Variants in EXOC6B observed in about 807,000 individuals in gnomAD.
The protein encoded by EXOC6B is SEC15 homolog B.
Under a neutral mutation model 113.5 loss-of-function variants are expected in EXOC6B, and 54 were observed. The ratio of observed to expected loss-of-function variants is 0.48; its 90% CI spans 0.38 to 0.60. EXOC6B has a LOEUF of 0.60. EXOC6B is among the 20% of genes least tolerant of loss of function. EXOC6B has a pLI of 0.00. For missense variants in EXOC6B, 797 were observed against 977.5 expected, an observed-to-expected ratio of 0.82 and a Z score of 2.46; for synonymous variants, 357 against 339.0, an observed-to-expected ratio of 1.05 and a Z score of -0.58.
At chr2:72,206,013 C>T (rs538144494) in intron 20 of EXOC6B, among the ~76,000 whole-genome samples, 6 of 152,138 alleles carry the variant, frequency 3.9e-5, no homozygotes, top group East Asian at 3.9e-4. Flanking sequence ...CTGTGAGAGA[C>T]GAGACTATTG....
chr2:72,278,207 A>G (rs1170181534), intron 20 of EXOC6B, among the ~76,000 whole-genome samples: 1 of 152,228 alleles, frequency 6.6e-6, no homozygotes, highest in Non-Finnish European at 1.5e-5. Flanking sequence ...GCATTCACCC[A>G]GAAATCCTGA....
intron 8 of EXOC6B, among the ~76,000 whole-genome samples, chr2:72,519,737 A>G (rs367718678): frequency 3.3e-5 from 5 of 152,280 alleles, no homozygotes; most frequent in African/African-American, 1.2e-4. Flanking sequence ...ATTAATAATG[A>G]TGACTTCTGT....
intron 20 of EXOC6B, among the ~76,000 whole-genome samples, chr2:72,270,972 A>G (rs912892253): frequency 6.4e-4 from 98 of 152,190 alleles, no homozygotes; most frequent in Admixed American, 3.9e-3. Context: ...ATAGTTTGGA[A>G]GGAAGAGATG....
chr2:72,744,090 C>A (rs1203055924), intron 1 of EXOC6B, among the ~76,000 whole-genome samples: 5 of 152,098 alleles, frequency 3.3e-5, no homozygotes. Context: ...TTAAGTACAG[C>A]AACATACTGT....
At chr2:72,329,755 G>T (rs1442777406) in intron 20 of EXOC6B, among the ~76,000 whole-genome samples, 1 of 152,048 alleles carries the variant, frequency 6.6e-6, no homozygotes, top group South Asian at 2.1e-4. Flanking sequence ...TTCCTAACGG[G>T]TGTTAACTAA....
chr2:72,458,813 G>C (rs1217361850), intron 18 of EXOC6B, among the ~76,000 whole-genome samples: 5 of 152,042 alleles, frequency 3.3e-5, no homozygotes, highest in Admixed American at 3.3e-4. Context: ...ATGACCTAGA[G>C]GTTAAAGTAA....
chr2:72,399,040 A>G (rs1342293753), intron 18 of EXOC6B, among the ~76,000 whole-genome samples: 1 of 151,872 alleles, frequency 6.6e-6, no homozygotes, highest in Non-Finnish European at 1.5e-5. Flanking sequence ...ATTATAAGCC[A>G]ATATCCCTGA....
At chr2:72,410,267 G>A (rs1031309127) in intron 18 of EXOC6B, among the ~76,000 whole-genome samples, 2 of 152,198 alleles carry the variant, frequency 1.3e-5, no homozygotes, top group Non-Finnish European at 2.9e-5. Flanking sequence ...GATCAGCAAT[G>A]TTCAATCTTA....
intron 2 of EXOC6B, among the ~76,000 whole-genome samples, chr2:72,736,098 T>C (rs1680937144): frequency 1.3e-5 from 2 of 151,158 alleles, no homozygotes; most frequent in Middle Eastern, 3.4e-3. Context: ...CTGAGGAGAA[T>C]CACTTGAACT....
At chr2:72,694,125 CT>C (rs1677695227) in intron 6 of EXOC6B, among the ~76,000 whole-genome samples, 2 of 152,076 alleles carry the variant, frequency 1.3e-5, no homozygotes, top group South Asian at 4.1e-4. Flanking sequence ...AAATTTTCTG[CT>C]TTGAAAAGAG....
chr2:72,587,269 A>G (rs1705650896), intron 6 of EXOC6B, among the ~76,000 whole-genome samples: 1 of 152,218 alleles, frequency 6.6e-6, no homozygotes, highest in Non-Finnish European at 1.5e-5. Flanking sequence ...TTGCAGCAGC[A>G]TGGATGCAGC....
chr2:72,607,490 T>TA (rs1239311682), intron 6 of EXOC6B, among the ~76,000 whole-genome samples: 1 of 152,198 alleles, frequency 6.6e-6, no homozygotes, highest in Non-Finnish European at 1.5e-5. Flanking sequence ...TCAATTTTTT[T>TA]AAATCATCTA....
At chr2:72,400,444 C>T (rs1241283184) in intron 18 of EXOC6B, among the ~76,000 whole-genome samples, 3 of 151,752 alleles carry the variant, frequency 2.0e-5, no homozygotes, top group Non-Finnish European at 4.4e-5. Context: ...AAAAATGGAA[C>T]TTAATTAAAC....
chr2:72,572,906 T>A (rs185919338), intron 7 of EXOC6B, among the ~76,000 whole-genome samples: 1 of 152,298 alleles, frequency 6.6e-6, no homozygotes, highest in Admixed American at 6.5e-5. Flanking sequence ...AGTGCCAAAT[T>A]TTTGTTTTAA....
At chr2:72,631,379 T>C (rs1672380904) in intron 6 of EXOC6B, among the ~76,000 whole-genome samples, 1 of 148,680 alleles carries the variant, frequency 6.7e-6, no homozygotes, top group Admixed American at 6.7e-5. Context: ...TACATATATA[T>C]ATGGAGTGAT....
chr2:72,816,052 G>T (rs903985801), intron 1 of EXOC6B, among the ~76,000 whole-genome samples: 2 of 152,102 alleles, frequency 1.3e-5, no homozygotes, highest in Non-Finnish European at 2.9e-5. Flanking sequence ...CCAGCTACTC[G>T]CCAGGGTGAG....
At chr2:72,436,480 T>A (rs1324818764) in intron 18 of EXOC6B, among the ~76,000 whole-genome samples, 1 of 152,202 alleles carries the variant, frequency 6.6e-6, no homozygotes, top group East Asian at 1.9e-4. Flanking sequence ...CTGGATAATA[T>A]CCTGAAGTGT....
chr2:72,264,085 G>A (rs1683899701), intron 20 of EXOC6B, among the ~76,000 whole-genome samples: 1 of 152,148 alleles, frequency 6.6e-6, no homozygotes, highest in African/African-American at 2.4e-5. Context: ...AAAGGATAAT[G>A]AACCAATACA....
intron 18 of EXOC6B, among the ~76,000 whole-genome samples, chr2:72,383,595 C>A (rs1332112999): frequency 6.6e-6 from 1 of 151,998 alleles, no homozygotes; most frequent in Non-Finnish European, 1.5e-5. Flanking sequence ...TGTGGTGATT[C>A]CTCAAAGAAC....
Sources: allele counts gnomAD v4.1 joint callset (sites outside exome capture counted in the v4.1 genomes callset), GRCh38; gene constraint gnomAD v4.1.1; transcripts MANE v1.5; gene names NCBI Gene and HGNC (gene_info 2026-07-23, HGNC 2026-07-21).